The following DOCK4 variants were observed in gnomAD, a reference collection of about 807,000 sequenced individuals.
DOCK4 encodes dedicator of cytokinesis 4.
Under a neutral mutation model 268.1 loss-of-function variants are expected in DOCK4, and 97 were observed. The observed-to-expected ratio is 0.36, with a 90% CI of 0.31 to 0.43. DOCK4 has a LOEUF of 0.43. DOCK4 is among the 20% of genes least tolerant of loss of function. DOCK4 has a pLI of 1.00. For synonymous variants in DOCK4, 954 were observed against 887.2 expected, an observed-to-expected ratio of 1.08 and a Z score of -1.34; for missense variants, 2,145 against 2,455.7, an observed-to-expected ratio of 0.87 and a Z score of 2.67.
At chr7:112,146,588 TG>T (rs917735935) in intron 1 of DOCK4, among the ~76,000 whole-genome samples, 4 of 152,024 alleles carry the variant, frequency 2.6e-5, no homozygotes, top group Admixed American at 2.6e-4. Context: ...AAAAATTAGC[TG>T]GGTGTGGTGG....
Position 111,765,146 on chromosome 7 carries a change from T to C in DOCK4, c.3992A>G (p.Tyr1331Cys). The change falls in exon 39 of 53, where the codon TAT becomes TGT. Residue 1331 changes from tyrosine to cysteine, a missense_variant. Physicochemically the swap from Tyr to Cys is radical, Grantham distance 194. This residue lies in a region of DOCK4 where 1,598 missense variants were observed against 1,986.7 expected (regional missense o/e 0.80). Coordinates refer to ENST00000428084, the MANE Select transcript of DOCK4 (RefSeq NM_001363540.2). ...TAAGAAAAATGGAAATTTTTTTCCA[T>C]AAAATCCAACTCTGAAGAACTCTGG... ...LEPEFFRVGF[Y>C]GKKFPFFLRN... is the part of the protein sequence containing the mutation. 6.5e-7 allele frequency: 1 copy of C among 1,537,194 alleles called. No individual in the cohort carries two copies. The highest frequency in any genetic ancestry group is 8.7e-7 in the Non-Finnish European group (1 of 1,144,974).
At chr7:111,751,140 G>A (rs981649016) in intron 42 of DOCK4, among the ~76,000 whole-genome samples, 19 of 152,106 alleles carry the variant, frequency 1.2e-4, no homozygotes, top group South Asian at 4.1e-4. Context: ...ATAACACCAA[G>A]TATGAAGTAG....
Position 112,148,951 on chromosome 7 carries a change from T to C in DOCK4, c.37+57151A>G, listed in dbSNP as rs1235630560. On this transcript the variant is annotated intron_variant, in intron 1 of 52. Coordinates refer to ENST00000428084, the MANE Select transcript of DOCK4 (RefSeq NM_001363540.2). ...ATAATGCGCCAATAGCCCTGAAATCTGATTTTCTGGAACTCAGGTGAAGTC... is the reference window on the plus strand; with the variant it reads ...ATAATGCGCCAATAGCCCTGAAATCCGATTTTCTGGAACTCAGGTGAAGTC... 2.0e-5 allele frequency among the ~76,000 whole-genome samples: 3 copies of C among 152,216 alleles called. No individual in the cohort carries two copies. In the East Asian group the frequency reaches 5.8e-4, roughly 29 times the overall value.
intron 25 of DOCK4, among the ~76,000 whole-genome samples, chr7:111,835,880 G>A (rs550057254): frequency 7.2e-5 from 11 of 152,212 alleles, no homozygotes; most frequent in African/African-American, 1.2e-4. Flanking sequence ...AGGTACTCAG[G>A]CTAGATCTCT....
intron 1 of DOCK4, among the ~76,000 whole-genome samples, chr7:112,162,469 T>A (rs1817213762): frequency 6.6e-6 from 1 of 151,962 alleles, no homozygotes; most frequent in Admixed American, 6.6e-5. Context: ...TAGTTTTGTG[T>A]ATAGATGTTG....
At chr7:112,142,895 A>G (rs1815069902) in intron 1 of DOCK4, among the ~76,000 whole-genome samples, 1 of 152,126 alleles carries the variant, frequency 6.6e-6, no homozygotes, top group Non-Finnish European at 1.5e-5. Context: ...TTACTATTGC[A>G]TAGCACAGGA....
Position 111,732,254 on chromosome 7 carries a change from G to A in DOCK4, c.5453C>T (p.Pro1818Leu), listed in dbSNP as rs773015648. The A allele has an allele frequency of 6.2e-7, 1 of 1,614,014 alleles. No homozygotes were observed. Among genetic ancestry groups the A allele is most frequent in the Non-Finnish European group, 8.5e-7 (1 of 1,179,900 alleles). Residue 1818 changes from proline (P) to leucine (L), a missense_variant, in exon 52 of 53, where the codon CCC becomes CTC. By Grantham distance (98) the Pro-to-Leu change is moderately conservative. Around this residue, in one of 2 missense-constraint regions of DOCK4, gnomAD observed 547 missense variants for 469.0 expected, o/e 1.17. Transcript: ENST00000428084. ...CAATGGAGATCGCCCGGCAGGCGAGGGGGATACTGATGTCGTGTGTCTTGC... is the reference window on the plus strand; with the variant it reads ...CAATGGAGATCGCCCGGCAGGCGAGAGGGATACTGATGTCGTGTGTCTTGC... ...SPARHTTSVS[P>L]SPAGRSPLKG...
At chr7:111,944,681 T>C (rs756103397) in intron 10 of DOCK4, 130 bp downstream of exon 10, 7 of 882,702 alleles carry the variant, frequency 7.9e-6, no homozygotes, top group Non-Finnish European at 1.3e-5. Flanking sequence ...ACTTCTGTGA[T>C]TCTTGGATTC....
At chr7:111,732,190 C>T (rs1563421172) in intron 52 of DOCK4, 36 bp downstream of exon 52, 8 of 1,607,124 alleles carry the variant, frequency 5.0e-6, no homozygotes, top group Non-Finnish European at 6.8e-6. Flanking sequence ...GAAAACTGGG[C>T]CAGTCTCTAG....
intron 1 of DOCK4, among the ~76,000 whole-genome samples, chr7:112,052,948 A>T (rs1805489603): frequency 6.6e-6 from 1 of 152,226 alleles, no homozygotes; most frequent in South Asian, 2.1e-4. Context: ...TCCAGTTTGT[A>T]GTTCTGGTTT....
intron 12 of DOCK4, among the ~76,000 whole-genome samples, chr7:111,924,534 G>A (rs892341951): frequency 6.6e-6 from 1 of 152,170 alleles, no homozygotes; most frequent in African/African-American, 2.4e-5. Context: ...TGTGATATAA[G>A]TTTCACCAAC....
At chr7:111,876,749 T>A (rs1416379644) in intron 17 of DOCK4, among the ~76,000 whole-genome samples, 3 of 71,164 alleles carry the variant, frequency 4.2e-5, no homozygotes, top group East Asian at 4.0e-4. Flanking sequence ...GGTATTTTCG[T>A]TTTTTTTTTT....
At chr7:112,130,214 C>T (rs889778503) in intron 1 of DOCK4, among the ~76,000 whole-genome samples, 3 of 152,056 alleles carry the variant, frequency 2.0e-5, no homozygotes, top group Non-Finnish European at 4.4e-5. Context: ...AGGATGAGGA[C>T]GGGGGCTGTG....
At position 111,984,173 on chromosome 7, in the gene DOCK4, C is replaced by A. The variant is rs987792152; in HGVS notation, c.549+133G>T. The A allele has an allele frequency of 1.1e-4, 86 of 751,490 alleles. No homozygotes were observed. In the East Asian group the frequency reaches 1.8e-3, roughly 15 times the overall value. The allele number at this position is 751,490 out of a possible 1,614,324, so 46.6% of individuals were successfully genotyped here. ...TGTACTGAGGGCATGGTCACCTCAG[C>A]TCTCAAGTCTTTTTACTCTCTCTAA... is the stretch of plus-strand genomic sequence containing the variant. On this transcript the variant is annotated intron_variant, in intron 7 of 52. Coordinates refer to ENST00000428084, the MANE Select transcript of DOCK4 (RefSeq NM_001363540.2).
intron 1 of DOCK4, among the ~76,000 whole-genome samples, chr7:112,063,516 T>C (rs1356828062): frequency 1.3e-5 from 2 of 152,182 alleles, no homozygotes; most frequent in Admixed American, 6.5e-5. Context: ...TATAATAGAG[T>C]GTGGAATATG....
intron 1 of DOCK4, among the ~76,000 whole-genome samples, chr7:112,079,150 T>C (rs1345434788): frequency 1.3e-5 from 2 of 151,848 alleles, no homozygotes; most frequent in African/African-American, 4.8e-5. Flanking sequence ...AAAATAAATA[T>C]GTAAGAATGA....
At chr7:111,936,707 G>C (rs17159023) in intron 11 of DOCK4, among the ~76,000 whole-genome samples, 12,147 of 152,258 alleles carry the variant, frequency 0.08, 700 homozygotes, top group East Asian at 0.35. Context: ...CAAGAGGCCT[G>C]AACATCAAGA....
At chr7:111,769,044 A>G (rs1388068394) in intron 37 of DOCK4, among the ~76,000 whole-genome samples, 2 of 152,190 alleles carry the variant, frequency 1.3e-5, no homozygotes, top group Non-Finnish European at 2.9e-5. Flanking sequence ...AGATACAGCA[A>G]GATGGCCCTC....
chr7:111,973,180 T>TATATATATATATATATAC (rs1330800991), intron 8 of DOCK4, among the ~76,000 whole-genome samples: 94 of 145,410 alleles, frequency 6.5e-4, no homozygotes, highest in African/African-American at 2.3e-3. Context: ...TATATATATA[T>TATATATATATATATATAC]ATATATAATA....
Sources: gnomAD v4.1 joint callset for allele counts (sites outside exome capture counted in the v4.1 genomes callset) on GRCh38, gnomAD v4.1.1 for gene constraint, gnomAD v4.1.1 regional missense constraint, MANE v1.5 for transcripts, NCBI Gene and HGNC (gene_info 2026-07-23, HGNC 2026-07-21) for gene names.